Variants in TLR5 observed in about 807,000 individuals in gnomAD.
TLR5 encodes the protein toll like receptor 5.
For synonymous variants in TLR5, 373 were observed against 384.4 expected (o/e 0.97, Z 0.35); for missense variants, 944 against 999.8 (o/e 0.94, Z 0.75).
At position 223,131,413 on chromosome 1, in the gene TLR5, C is replaced by G. The variant is rs937409726; in HGVS notation, c.-5+1062G>C. 5.3e-5 allele frequency among the ~76,000 whole-genome samples: 8 copies of G among 152,250 alleles called. No individual in the cohort carries two copies. The highest frequency in any genetic ancestry group is 5.2e-4 in the Admixed American group (8 of 15,292). On this transcript the variant is annotated intron_variant, in intron 5 of 5. Coordinates refer to ENST00000642603, the MANE Select transcript of TLR5 (RefSeq NM_003268.6). This position sits in a 1 kb window ranked among gnomAD's most constrained non-coding sequence, Gnocchi z 4.2. ...CAGAGTCTGCCCTCATCCCCATTCT[C>G]TCAGCTTAGGCTGGTCCTGGGGCTT...
chr1:223,111,231 T>C lies in TLR5; in HGVS notation c.1801A>G (p.Ile601Val), dbSNP rs775479093. 3 of 1,614,200 alleles carry C rather than the reference T, an allele frequency of 1.9e-6. No individual in the cohort carries two copies. The highest frequency in any genetic ancestry group is 2.5e-6 in the Non-Finnish European group (3 of 1,180,038). Reference protein sequence around the residue: ...INWLNHTNVTIAGPPADIYCV... With the variant: ...INWLNHTNVTVAGPPADIYCV... ...TATATGTCTGCAGGAGGCCCAGCTA[T>C]AGTGACATTGGTGTGATTAAGCCAA... The change falls in exon 6 of 6, where the codon ATA becomes GTA. Residue 601 changes from isoleucine (I) to valine (V), a missense_variant. Transcript: ENST00000642603.
At chr1:223,115,489 G>C (rs1656582129) in intron 5 of TLR5, among the ~76,000 whole-genome samples, 1 of 152,172 alleles carries the variant, frequency 6.6e-6, no homozygotes, top group Non-Finnish European at 1.5e-5. Flanking sequence ...GACCTCAAGT[G>C]ATCCACCGGC....
chr1:223,130,245 A>G (rs1277875134), intron 5 of TLR5, among the ~76,000 whole-genome samples: 1 of 152,158 alleles, frequency 6.6e-6, no homozygotes, highest in Non-Finnish European at 1.5e-5. Context: ...CTCTTCTAGA[A>G]ATTTGTCCAC....
intron 5 of TLR5, among the ~76,000 whole-genome samples, chr1:223,120,538 T>C (rs1035181833): frequency 1.3e-5 from 2 of 152,230 alleles, no homozygotes; most frequent in African/African-American, 4.8e-5. Context: ...CAGGACCTCC[T>C]GGGGCTGTGT....
chr1:223,116,447 T>A (rs994429324), intron 5 of TLR5, among the ~76,000 whole-genome samples: 2 of 152,202 alleles, frequency 1.3e-5, no homozygotes, highest in African/African-American at 4.8e-5. Context: ...TGTGGGTTCA[T>A]GGTCTTGCTG....
chr1:223,132,868 C>T (rs1657449910), intron 4 of TLR5, among the ~76,000 whole-genome samples: 1 of 152,146 alleles, frequency 6.6e-6, no homozygotes, highest in African/African-American at 2.4e-5. Context: ...GCCTCTTGTT[C>T]AGAAGGTGGG....
At chr1:223,114,714 A>C (rs1245659106) in intron 5 of TLR5, among the ~76,000 whole-genome samples, 1 of 152,196 alleles carries the variant, frequency 6.6e-6, no homozygotes, top group Non-Finnish European at 1.5e-5. Flanking sequence ...ATTGACTCAA[A>C]GTTTCAAACT....
chr1:223,116,578 G>A lies in TLR5; in HGVS notation c.-4-3543C>T, dbSNP rs114385569. Among the ~76,000 whole-genome samples the A allele has an allele frequency of 7.3e-3, 1,117 of 152,250 alleles. 13 individuals are homozygous for A. Among genetic ancestry groups the A allele is most frequent in the African/African-American group, 0.026 (1,061 of 41,536 alleles). ...AAGAGCAAAAGAACAAACCTTCCAC[G>A]GTGTGAAAGACGACCGCAGTGGGCT... is the stretch of plus-strand genomic sequence containing the variant. On this transcript the variant is annotated intron_variant, in intron 5 of 5. Transcript: ENST00000642603.
At chr1:223,138,899 G>C (rs185046508) in intron 2 of TLR5, among the ~76,000 whole-genome samples, 1 of 152,200 alleles carries the variant, frequency 6.6e-6, no homozygotes, top group Non-Finnish European at 1.5e-5. Context: ...GGAGGTAACT[G>C]AATCCTGGGG....
intron 5 of TLR5, among the ~76,000 whole-genome samples, chr1:223,120,298 C>A (rs991349650): frequency 2.6e-5 from 4 of 152,138 alleles, no homozygotes; most frequent in Non-Finnish European, 5.9e-5. Flanking sequence ...GCATAAGAAC[C>A]TTTCTTCACA....
Position 223,112,798 on chromosome 1 carries a change from C to T in TLR5, c.234G>A (p.Gly78=). The T allele has an allele frequency of 6.2e-7, 1 of 1,612,524 alleles. No individual in the cohort carries two copies. Among genetic ancestry groups the T allele is most frequent in the Non-Finnish European group, 8.5e-7 (1 of 1,179,066 alleles). Residue 78 remains glycine (G), a synonymous_variant, in exon 6 of 6, where the codon GGG becomes GGA. Coordinates refer to ENST00000642603, the MANE Select transcript of TLR5 (RefSeq NM_003268.6). The part of the protein sequence containing the change: ...FLEQLQLLEL[G]SQYTPLTIDK... ...CAATAGTCAAGGGGGTATACTGGCT[C>T]CCGAGCTCCAGCAGCTGCAGCTGTT...
At chr1:223,113,299 G>A (rs886529505) in intron 5 of TLR5, among the ~76,000 whole-genome samples, 8 of 151,994 alleles carry the variant, frequency 5.3e-5, no homozygotes, top group African/African-American at 9.7e-5. Context: ...TCCGCCTCCC[G>A]GGTTCAAGCC....
At chr1:223,120,004 A>AAAT (rs1171429133) in intron 5 of TLR5, among the ~76,000 whole-genome samples, 2 of 135,500 alleles carry the variant, frequency 1.5e-5, no homozygotes, top group African/African-American at 5.8e-5. Flanking sequence ...AAATAAAATA[A>AAAT]AATAAAATAA....
chr1:223,124,309 G>T (rs141691541), intron 5 of TLR5, among the ~76,000 whole-genome samples: 3 of 152,058 alleles, frequency 2.0e-5, no homozygotes, highest in Admixed American at 6.6e-5. Flanking sequence ...TGTGTGTGGT[G>T]GTGGGTGCCT....
chr1:223,117,351 C>T (rs565583442), intron 5 of TLR5, among the ~76,000 whole-genome samples: 1 of 152,050 alleles, frequency 6.6e-6, no homozygotes, highest in South Asian at 2.1e-4. Context: ...AGGGATCCTG[C>T]TCCGGCCTCA....
At position 223,111,731 on chromosome 1, in the gene TLR5, C is replaced by A. The variant is rs753885375; in HGVS notation, c.1301G>T (p.Arg434Met). Residue 434 changes from arginine (R) to methionine (M), a missense_variant, in exon 6 of 6, where the codon AGG becomes ATG. Arg to Met is a moderately conservative substitution (Grantham distance 91). Transcript: ENST00000642603. ...GTAGAGAATATCTAGATTTTCTAGCCTGTTTTCTGATAAGTGGATGAGGTT... is the reference window on the plus strand; with the variant it reads ...GTAGAGAATATCTAGATTTTCTAGCATGTTTTCTGATAAGTGGATGAGGTT... ...TANLIHLSEN[R>M]LENLDILYFL... The A allele has an allele frequency of 2.5e-6, 4 of 1,614,104 alleles. No individual in the cohort carries two copies. In the Admixed American group the frequency reaches 6.7e-5, roughly 27 times the overall value.
Position 223,118,514 on chromosome 1 carries a change from T to C in TLR5, c.-4-5479A>G, listed in dbSNP as rs1254535505. ...GTGAGCTGAGCTTGTGCCATTGTAC[T>C]CCAGCCTGGGTGACAGAGCAAGACT... is the stretch of plus-strand genomic sequence containing the variant. On this transcript the variant is annotated intron_variant, in intron 5 of 5. Coordinates refer to ENST00000642603, the MANE Select transcript of TLR5 (RefSeq NM_003268.6). 1.3e-4 allele frequency among the ~76,000 whole-genome samples: 19 copies of C among 149,230 alleles called. No individual in the cohort carries two copies. The Admixed American group carries it at 1.3e-3, about 10-fold the overall frequency.
At chr1:223,117,250 G>A (rs1451753839) in intron 5 of TLR5, among the ~76,000 whole-genome samples, 1 of 152,084 alleles carries the variant, frequency 6.6e-6, no homozygotes, top group African/African-American at 2.4e-5. Flanking sequence ...GGCCTGCCAA[G>A]CCCACGCCCA....
chr1:223,116,150 T>C (rs1656626696), intron 5 of TLR5, among the ~76,000 whole-genome samples: 1 of 152,248 alleles, frequency 6.6e-6, no homozygotes, highest in African/African-American at 2.4e-5. Flanking sequence ...CTTGTCTATT[T>C]GCTTATTTAT....
Sources: allele counts gnomAD v4.1 joint callset (sites outside exome capture counted in the v4.1 genomes callset), GRCh38; gene constraint gnomAD v4.1.1; non-coding constraint Gnocchi (gnomAD v3.1); transcripts MANE v1.5; gene names NCBI Gene and HGNC (gene_info 2026-07-23, HGNC 2026-07-21).